The following RBPMS variants were observed in gnomAD, a reference collection of about 807,000 sequenced individuals.
RBPMS encodes RNA-binding protein with multiple splicing.
A neutral mutation model predicts 26.8 loss-of-function variants in RBPMS; 7 were observed. The observed-to-expected ratio is 0.26, with a 90% confidence interval of 0.15 to 0.49. The LOEUF (loss-of-function observed/expected upper bound fraction) is 0.49. Among genes scored for constraint, RBPMS ranks in the 20% least tolerant of loss-of-function variants. The pLI, the probability that RBPMS is intolerant of heterozygous loss-of-function variation, is 0.98. For missense variants in RBPMS, 186 were observed against 250.0 expected, an observed-to-expected ratio of 0.74 and a Z score of 1.73; for synonymous variants, 96 against 93.3, an observed-to-expected ratio of 1.03 and a Z score of -0.17.
intron 5 of RBPMS, among the ~76,000 whole-genome samples, chr8:30,531,871 C>T (rs1271407168): frequency 1.3e-5 from 2 of 152,136 alleles, no homozygotes; most frequent in Non-Finnish European, 2.9e-5. Flanking sequence ...CCTGGAGCTG[C>T]TTGTTGTAAA....
At chr8:30,552,711 T>A (rs1198991532) in intron 6 of RBPMS, 1 of 152,248 alleles carries the variant, frequency 6.6e-6, no homozygotes, top group African/African-American at 2.4e-5. Context: ...TTCTGAGATG[T>A]CTGGGCACAT....
At chr8:30,547,763 C>G (rs1825988257) in intron 6 of RBPMS, among the ~76,000 whole-genome samples, 2 of 152,206 alleles carry the variant, frequency 1.3e-5, no homozygotes, top group African/African-American at 4.8e-5. Flanking sequence ...TCTCATCCAC[C>G]AGGAGACCTC....
chr8:30,447,150 C>T lies in RBPMS; in HGVS notation c.67-27629C>T, dbSNP rs180732325. On this transcript the variant is annotated intron_variant, in intron 1 of 8. Transcript: ENST00000397323. ...GAATTTACTAATATGGTTTGAGTAT[C>T]CAAAATAATGCTCCAGAATCTGAAG... Among the ~76,000 whole-genome samples, 420 of 152,216 alleles carry T rather than the reference C, an allele frequency of 2.8e-3. 2 individuals carry two copies. Among genetic ancestry groups the T allele is most frequent in the Non-Finnish European group, 3.2e-3 (217 of 68,020 alleles).
In RBPMS at chr8:30,558,974, T is replaced by C; in HGVS notation, c.*7+18T>C. ...AATACTATGTAAGTACTCGCTTTCC[T>C]TTGGAATGTGCGAAGCCCCTAGAAC... On this transcript the variant is annotated intron_variant, in intron 7 of 8. Transcript: ENST00000397323. 2 of 1,609,392 alleles carry C rather than the reference T, an allele frequency of 1.2e-6. No homozygotes were observed. The highest frequency in any genetic ancestry group is 1.7e-6 in the Non-Finnish European group (2 of 1,175,976).
intron 1 of RBPMS, among the ~76,000 whole-genome samples, chr8:30,432,872 G>A (rs1012984950): frequency 3.9e-5 from 6 of 152,178 alleles, no homozygotes; most frequent in Non-Finnish European, 7.3e-5. Context: ...ACATAAGGAA[G>A]CAACAAAAGA....
chr8:30,556,752 T>C, intron 6 of RBPMS: 18 of 985,936 alleles, frequency 1.8e-5, no homozygotes, highest in Non-Finnish European at 2.2e-5. Context: ...GCTCTTTGCT[T>C]AGTGAGCAAG....
intron 2 of RBPMS, 43 bp from the exon 3 acceptor site, chr8:30,477,752 ATTAC>A (rs751459283): frequency 1.5e-5 from 20 of 1,299,688 alleles, no homozygotes; most frequent in Non-Finnish European, 1.9e-5. Flanking sequence ...ACAAGATGGT[ATTAC>A]TACAGTTACT....
intron 1 of RBPMS, among the ~76,000 whole-genome samples, chr8:30,417,935 G>T (rs1013920259): frequency 1.3e-5 from 2 of 152,164 alleles, no homozygotes; most frequent in African/African-American, 4.8e-5. Context: ...CATGAAACAC[G>T]ATATGTACGT....
intron 5 of RBPMS, among the ~76,000 whole-genome samples, chr8:30,508,454 A>C: frequency 6.6e-6 from 1 of 152,180 alleles, no homozygotes; most frequent in Non-Finnish European, 1.5e-5. Context: ...CAGTTTTCTC[A>C]GCTACACAGC....
chr8:30,523,000 A>T (rs890248724), intron 5 of RBPMS, among the ~76,000 whole-genome samples: 1 of 152,160 alleles, frequency 6.6e-6, no homozygotes, highest in African/African-American at 2.4e-5. Context: ...TTGAAGGAGA[A>T]GCTGGTGATT....
intron 6 of RBPMS, chr8:30,547,505 C>A: frequency 6.5e-7 from 1 of 1,537,654 alleles, no homozygotes; most frequent in South Asian, 1.3e-5. Context: ...AAATTTTAAT[C>A]AGAGCAAAAA....
At chr8:30,512,063 A>G (rs1250273496) in intron 5 of RBPMS, among the ~76,000 whole-genome samples, 1 of 151,746 alleles carries the variant, frequency 6.6e-6, no homozygotes, top group Non-Finnish European at 1.5e-5. Context: ...ACATGCCTCA[A>G]GTCAGTCAGT....
chr8:30,449,472 C>T (rs1814288676), intron 1 of RBPMS, among the ~76,000 whole-genome samples: 1 of 150,118 alleles, frequency 6.7e-6, no homozygotes, highest in African/African-American at 2.5e-5. Context: ...CTGGTTCAAG[C>T]AATTCCCCCT....
chr8:30,392,990 T>C (rs973170561), intron 1 of RBPMS, among the ~76,000 whole-genome samples: 4 of 152,134 alleles, frequency 2.6e-5, no homozygotes, highest in African/African-American at 9.7e-5. Context: ...TCCTGCTTTC[T>C]AGGAAACGTT....
intron 6 of RBPMS, chr8:30,545,370 T>C (rs992810975): frequency 7.0e-6 from 8 of 1,148,620 alleles, no homozygotes; most frequent in Non-Finnish European, 8.6e-6. Context: ...GCTTCGCTTT[T>C]AGTGCAAGTG....
At chr8:30,435,647 G>A (rs1812371512) in intron 1 of RBPMS, among the ~76,000 whole-genome samples, 1 of 152,206 alleles carries the variant, frequency 6.6e-6, no homozygotes, top group Admixed American at 6.5e-5. Context: ...GCATAGAGAA[G>A]AGAGACAGCA....
intron 4 of RBPMS, among the ~76,000 whole-genome samples, chr8:30,496,365 TC>T (rs1236793862): frequency 6.6e-6 from 1 of 152,152 alleles, no homozygotes; most frequent in Non-Finnish European, 1.5e-5. Flanking sequence ...AGCGGGGGTT[TC>T]ACCGTGTTAG....
At chr8:30,518,490 A>T (rs1363703078) in intron 5 of RBPMS, among the ~76,000 whole-genome samples, 1 of 151,700 alleles carries the variant, frequency 6.6e-6, no homozygotes, top group Non-Finnish European at 1.5e-5. Flanking sequence ...CAGTGGCATG[A>T]TCTCAGCTCA....
intron 1 of RBPMS, among the ~76,000 whole-genome samples, chr8:30,467,820 A>C (rs1024249478): frequency 3.9e-5 from 6 of 152,200 alleles, no homozygotes; most frequent in African/African-American, 1.4e-4. Flanking sequence ...TTTCAAACGA[A>C]GGAAATACAT....
Sources: allele counts gnomAD v4.1 joint callset (sites outside exome capture counted in the v4.1 genomes callset), GRCh38; gene constraint gnomAD v4.1.1; transcripts MANE v1.5; gene names NCBI Gene and HGNC (gene_info 2026-07-23, HGNC 2026-07-21).